SCARB1: variants seen among roughly 807,000 people sequenced by gnomAD.
SCARB1 encodes the protein CD36 and LIMPII analogous 1.
A neutral mutation model predicts 57.2 loss-of-function variants in SCARB1; 30 were observed. That is an observed-to-expected ratio of 0.52 (90% CI 0.39 to 0.71). The LOEUF (loss-of-function observed/expected upper bound fraction) is 0.71, where lower values mean the gene tolerates loss of function less well. Among genes scored for constraint, SCARB1 ranks in the 30% least tolerant of loss-of-function variants. SCARB1 has a pLI of 0.00. For synonymous variants in SCARB1, 249 were observed against 268.3 expected (o/e 0.93, Z 0.70); for missense variants, 543 against 671.2 (o/e 0.81, Z 2.11).
rs1477879888 is a variant in SCARB1, at chr12:124,789,688, T to C, written c.1203-2231A>G. Among the ~76,000 whole-genome samples, 1 of 151,758 alleles carries C rather than the reference T, an allele frequency of 6.6e-6. No individual in the cohort carries two copies. Among genetic ancestry groups the C allele is most frequent in the Non-Finnish European group, 1.5e-5 (1 of 67,924 alleles). On this transcript the variant is annotated intron_variant, in intron 9 of 12. Transcript: ENST00000261693. This position sits in a 1 kb window ranked among gnomAD's most constrained non-coding sequence, Gnocchi z 4.4. ...GAAAAACGAAAAAACAAAAACAAAT[T>C]TTAAAACCCTAAAAAAAGAAAAATT...
At chr12:124,815,142 C>T in intron 2 of SCARB1, 28 bp from the exon 3 acceptor site, 1 of 1,610,460 alleles carries the variant, frequency 6.2e-7, no homozygotes, top group Non-Finnish European at 8.5e-7. Flanking sequence ...GGGTCAGACG[C>T]CCCGCCCCGC....
Position 124,820,620 on chromosome 12 carries a change from G to A in SCARB1, c.127-2913C>T, listed in dbSNP as rs577097764. ...GGTCCCTCTGTCTGGGACAGACCCT[G>A]CAGCCCTGGGGACCCTGCTCACCAC... On this transcript the variant is annotated intron_variant, in intron 1 of 12. Transcript: ENST00000261693. 2.6e-5 allele frequency among the ~76,000 whole-genome samples: 4 copies of A among 152,272 alleles called. No homozygotes were observed. The East Asian group carries it at 7.7e-4, about 29-fold the overall frequency.
At chr12:124,825,553 C>A (rs1203153554) in intron 1 of SCARB1, among the ~76,000 whole-genome samples, 1 of 152,060 alleles carries the variant, frequency 6.6e-6, no homozygotes, top group Non-Finnish European at 1.5e-5. Context: ...CACCTGTAGT[C>A]CCAGCTACTC....
intron 1 of SCARB1, among the ~76,000 whole-genome samples, chr12:124,826,001 C>A (rs1951142917): frequency 6.6e-6 from 1 of 151,958 alleles, no homozygotes; most frequent in Non-Finnish European, 1.5e-5. Context: ...GTGATTAATA[C>A]TGTACTGTAT....
Position 124,810,192 on chromosome 12 carries a change from T to A in SCARB1, c.824A>T (p.Tyr275Phe). 1 of 1,613,108 alleles carries A rather than the reference T, an allele frequency of 6.2e-7. No individual in the cohort carries two copies. ...FMTPESSLEF[Y>F]SPEACRSMKL... ...TGATTACCGGCAGGCCTCCGGGCTG[T>A]AGAACTCCAGCGAGGACTCAGGAGT... The change falls in exon 6 of 13, where the codon TAC becomes TTC. Residue 275 changes from tyrosine (Y) to phenylalanine (F), a missense_variant. Physicochemically the swap from Tyr to Phe is conservative, Grantham distance 22 (BLOSUM62 3). Transcript: ENST00000261693. The surrounding 1 kb of genome is among the most constrained non-coding windows in gnomAD (Gnocchi z 4.0).
intron 8 of SCARB1, among the ~76,000 whole-genome samples, chr12:124,797,234 C>T (rs933460016): frequency 6.6e-6 from 1 of 152,160 alleles, no homozygotes; most frequent in African/African-American, 2.4e-5. Context: ...ACCCAAGGTG[C>T]TTTTTCCCTT....
intron 1 of SCARB1, among the ~76,000 whole-genome samples, chr12:124,856,015 C>T (rs1013296130): frequency 1.3e-5 from 2 of 152,248 alleles, no homozygotes; most frequent in Non-Finnish European, 2.9e-5. Context: ...GGTGGCTGAG[C>T]TTCGCCACGT....
intron 1 of SCARB1, among the ~76,000 whole-genome samples, chr12:124,859,071 T>C (rs1274120555): frequency 6.6e-6 from 1 of 152,052 alleles, no homozygotes; most frequent in East Asian, 1.9e-4. Context: ...TTTGTAGAGA[T>C]GGGGGTCTCA....
At chr12:124,779,808 T>A (rs1472671525) in intron 12 of SCARB1, among the ~76,000 whole-genome samples, 1 of 151,714 alleles carries the variant, frequency 6.6e-6, no homozygotes, top group Non-Finnish European at 1.5e-5. Flanking sequence ...CACCACGGGG[T>A]AGGAAAATCA....
chr12:124,793,857 C>CAGCTGCATTAATGA (rs1949827823), intron 9 of SCARB1, among the ~76,000 whole-genome samples: 5 of 152,160 alleles, frequency 3.3e-5, no homozygotes, highest in Non-Finnish European at 7.3e-5. Flanking sequence ...GGGACTGACA[C>CAGCTGCATTAATGA]AAGAACATTT....
chr12:124,846,278 G>A (rs1310190944), intron 1 of SCARB1, among the ~76,000 whole-genome samples: 1 of 152,218 alleles, frequency 6.6e-6, no homozygotes, highest in Non-Finnish European at 1.5e-5. Context: ...TGGAAACGCT[G>A]CAACCACTTT....
chr12:124,839,094 TG>T (rs1951808301), intron 1 of SCARB1: 2 of 368,158 alleles, frequency 5.4e-6, no homozygotes, highest in East Asian at 1.5e-4. Context: ...CATTTTTAAG[TG>T]TACAGTTCAG....
intron 1 of SCARB1, among the ~76,000 whole-genome samples, chr12:124,840,500 C>T (rs1951866345): frequency 6.6e-6 from 1 of 152,102 alleles, no homozygotes; most frequent in Non-Finnish European, 1.5e-5. Context: ...TTTGCAGGTG[C>T]TTGGTCCGTG....
At chr12:124,836,321 A>G (rs1951646485) in intron 1 of SCARB1, among the ~76,000 whole-genome samples, 1 of 152,188 alleles carries the variant, frequency 6.6e-6, no homozygotes, top group Non-Finnish European at 1.5e-5. Flanking sequence ...CCACTGGGCA[A>G]AATCTACTGA....
chr12:124,791,108 T>A (rs531548297), intron 9 of SCARB1, among the ~76,000 whole-genome samples: 1 of 152,226 alleles, frequency 6.6e-6, no homozygotes, highest in Admixed American at 6.5e-5. Context: ...CCCTGCCAGA[T>A]GACATGTCAC....
At chr12:124,834,294 A>G (rs1310798243) in intron 1 of SCARB1, among the ~76,000 whole-genome samples, 4 of 152,320 alleles carry the variant, frequency 2.6e-5, no homozygotes, top group South Asian at 2.1e-4. Context: ...GGTTCCCAGA[A>G]ACTTCCAGGC....
rs551667612 is a variant in SCARB1 at position 124,836,352 on chromosome 12, A to G, written c.127-18645T>C. On this transcript the variant is annotated intron_variant, in intron 1 of 12. Coordinates refer to ENST00000261693, the MANE Select transcript of SCARB1 (RefSeq NM_005505.5). Reference sequence around the variant, plus strand: ...ACTGAGGCAGAGCACGATGTTCTGAACTGCTGAACGCATCTGGAAACCACC... The same window carrying G: ...ACTGAGGCAGAGCACGATGTTCTGAGCTGCTGAACGCATCTGGAAACCACC... Among the ~76,000 whole-genome samples, 31 of 152,344 alleles carry G rather than the reference A, an allele frequency of 2.0e-4. No individual in the cohort carries two copies. In the South Asian group the frequency reaches 6.4e-3, roughly 32 times the overall value.
At chr12:124,801,459 GTA>G (rs1950126162) in intron 7 of SCARB1, among the ~76,000 whole-genome samples, 1 of 152,172 alleles carries the variant, frequency 6.6e-6, no homozygotes, top group African/African-American at 2.4e-5. Flanking sequence ...TTTTGCCTCA[GTA>G]AGGAAAACAA....
In SCARB1 at chr12:124,807,740, AGCACAGGGGACG is replaced by A; in HGVS notation, c.1009+9_1009+20del. On this transcript the variant is annotated intron_variant, in intron 7 of 12. Transcript: ENST00000261693. This position sits in a 1 kb window ranked among gnomAD's most constrained non-coding sequence, Gnocchi z 5.3. ...CACCCTCACACCCTCCCGCCATCCC[AGCACAGGGGACG>A]GCACGTACTGAACCTGCAGGTGCTG... The A allele has an allele frequency of 6.2e-7, 1 of 1,613,406 alleles. No homozygotes were observed. The highest frequency in any genetic ancestry group is 8.5e-7 in the Non-Finnish European group (1 of 1,179,472).
Sources: allele counts gnomAD v4.1 joint callset (sites outside exome capture counted in the v4.1 genomes callset), GRCh38; gene constraint gnomAD v4.1.1; non-coding constraint Gnocchi (gnomAD v3.1); transcripts MANE v1.5; gene names NCBI Gene and HGNC (gene_info 2026-07-23, HGNC 2026-07-21).